The following C1orf210 variants were observed in gnomAD, a reference collection of about 807,000 sequenced individuals.
C1orf210 encodes chromosome 1 open reading frame 210.
A neutral mutation model predicts 3.7 loss-of-function variants in C1orf210; 3 were observed. That is an observed-to-expected ratio of 0.81 (90% CI 0.37 to 2.08). C1orf210 has a LOEUF of 2.08. Among genes scored for constraint, C1orf210 ranks in the 30% most tolerant of loss-of-function variants. C1orf210 has a pLI of 0.06. For synonymous variants in C1orf210, 62 were observed against 61.7 expected (o/e 1.00, Z -0.02); for missense variants, 143 against 147.7 (o/e 0.97, Z 0.17).
rs1305624130 is a variant in C1orf210 at position 43,283,276 on chromosome 1, G to C, written c.-6C>G. 2 of 1,613,864 alleles carry C rather than the reference G, an allele frequency of 1.2e-6. No individual in the cohort carries two copies. Among genetic ancestry groups the C allele is most frequent in the African/African-American group, 2.7e-5 (2 of 74,892 alleles). ...CTTTTGTTTGTCTCATTCATGGAGG[G>C]GCCTGATGACACCAGTGAGTCTCAG... On this transcript the variant is annotated 5_prime_UTR_variant, in exon 2 of 3. Coordinates refer to ENST00000523677, the MANE Select transcript of C1orf210 (RefSeq NM_182517.3).
At position 43,283,995 on chromosome 1, in the gene C1orf210, T is replaced by C. The variant is rs560580500; in HGVS notation, c.-98-627A>G. Among the ~76,000 whole-genome samples the C allele has an allele frequency of 2.8e-4, 43 of 152,272 alleles. 2 individuals are homozygous for C. The highest frequency in any genetic ancestry group is 1.0e-3 in the African/African-American group (42 of 41,550). On this transcript the variant is annotated intron_variant, in intron 1 of 2. Coordinates refer to ENST00000523677, the MANE Select transcript of C1orf210 (RefSeq NM_182517.3). ...ACCCTCAGCCCTTCAAGCAAACCCC[T>C]GTCCTTTCACCTCTACTCAAAGGAG...
rs770163944 is a variant in C1orf210 at position 43,282,814 on chromosome 1, C to T, written c.313G>A (p.Glu105Lys). Residue 105 changes from glutamate to lysine, a missense_variant, in exon 3 of 3, where the codon GAG becomes AAG. Physicochemically the swap from Glu to Lys is moderately conservative, Grantham distance 56 (BLOSUM62 1). Coordinates refer to ENST00000523677, the MANE Select transcript of C1orf210 (RefSeq NM_182517.3). ...AGGGAGAAGTGGTCCCTGCTACCCT[C>T]TGTCCCCAGCTCGCCAGTCCCAGGC... ...IQPGTGELGTEGSRDHFSL is the reference protein window; with the variant it reads ...IQPGTGELGTKGSRDHFSL 1 of 1,608,804 alleles carries T rather than the reference C, an allele frequency of 6.2e-7. No homozygotes were observed. Among genetic ancestry groups the T allele is most frequent in the Non-Finnish European group, 8.5e-7 (1 of 1,176,896 alleles).
chr1:43,282,071 C>T lies in C1orf210; in HGVS notation c.*714G>A, dbSNP rs1646550064. On this transcript the variant is annotated 3_prime_UTR_variant, in exon 3 of 3. Transcript: ENST00000523677. ...CCTGAGGTCAAGAGTTCGAGACCAT[C>T]CTGGCCAATATGGCGAAACCTCGTC... 6.6e-6 allele frequency: 1 copy of T among 152,160 alleles called. No homozygotes were observed. Among genetic ancestry groups the T allele is most frequent in the African/African-American group, 2.4e-5 (1 of 41,426 alleles). 9.4% of individuals were successfully genotyped at this position (152,160 alleles called of 1,614,324 possible).
chr1:43,281,925 A>C lies in C1orf210; in HGVS notation c.*860T>G, dbSNP rs1646549014. ...AATAGATTTATTAATTCCTGTGAAA[A>C]ACATATTATAACCGGATTACCCACT... On this transcript the variant is annotated 3_prime_UTR_variant, in exon 3 of 3. Transcript: ENST00000523677. 6.6e-6 allele frequency: 1 copy of C among 152,178 alleles called. No individual in the cohort carries two copies. Among genetic ancestry groups the C allele is most frequent in the Non-Finnish European group, 1.5e-5 (1 of 68,040 alleles). 9.4% of individuals were successfully genotyped at this position (152,178 alleles called of 1,614,324 possible). A position where few individuals can be genotyped will look rare whatever the true frequency, so the allele number is the denominator to read the frequency against.
intron 1 of C1orf210, 125 bp downstream of exon 1, chr1:43,285,319 T>G (rs763207386): frequency 6.6e-6 from 1 of 152,056 alleles, no homozygotes; most frequent in Non-Finnish European, 1.5e-5. Flanking sequence ...GCATATACAC[T>G]CCCCAACAGG....
chr1:43,283,591 G>C (rs1344464906), intron 1 of C1orf210, among the ~76,000 whole-genome samples: 1 of 152,112 alleles, frequency 6.6e-6, no homozygotes, highest in African/African-American at 2.4e-5. Context: ...ATAAATTGTA[G>C]AACTTACTGA....
Position 43,282,682 on chromosome 1 carries a change from G to T in C1orf210, c.*103C>A. 8.1e-7 allele frequency: 1 copy of T among 1,234,544 alleles called. No homozygotes were observed. Among genetic ancestry groups the T allele is most frequent in the Non-Finnish European group, 1.1e-6 (1 of 882,848 alleles). 76.5% of individuals were successfully genotyped at this position (1,234,544 alleles called of 1,614,324 possible). A position where few individuals can be genotyped will look rare whatever the true frequency, so the allele number is the denominator to read the frequency against. ...TACTCCATCCCTGGCCAACCTTTAA[G>T]CCCCAGCCACCTCTGTCCCTGAGGT... On this transcript the variant is annotated 3_prime_UTR_variant, in exon 3 of 3. Coordinates refer to ENST00000523677, the MANE Select transcript of C1orf210 (RefSeq NM_182517.3).
At chr1:43,284,623 A>G (rs1646568586) in intron 1 of C1orf210, among the ~76,000 whole-genome samples, 1 of 152,008 alleles carries the variant, frequency 6.6e-6, no homozygotes, top group Admixed American at 6.6e-5. Context: ...TGGGCCTACA[A>G]CCCAAATCTG....
rs761773667 is a variant in C1orf210, at chr1:43,283,028, C to G, written c.99G>C (p.Val33=). 1 of 1,614,120 alleles carries G rather than the reference C, an allele frequency of 6.2e-7. No individual in the cohort carries two copies. Among genetic ancestry groups the G allele is most frequent in the Non-Finnish European group, 8.5e-7 (1 of 1,179,974 alleles). ...GPGTGARAWP[V]LVGFVLGAVV... is the part of the protein sequence containing the mutation. ...CAGCCCCCAGCACAAATCCTACCAG[C>G]ACAGGCCATGCCCGAGCCCCAGTGC... Residue 33 remains valine (V), a synonymous_variant, in exon 3 of 3, where the codon GTG becomes GTC. Transcript: ENST00000523677.
At chr1:43,283,486 GCT>G (rs1646560404) in intron 1 of C1orf210, 118 bp from the exon 2 acceptor site, 1 of 529,994 alleles carries the variant, frequency 1.9e-6, no homozygotes, top group South Asian at 3.9e-5. Context: ...GACCACACCA[GCT>G]CTCCACAGAA....
In C1orf210 at chr1:43,283,086, A is replaced by T. The variant is rs115885647; in HGVS notation, c.41T>A (p.Leu14His). 2,413 of 1,613,426 alleles carry T rather than the reference A, an allele frequency of 1.5e-3. 33 individuals carry two copies. The African/African-American group carries it at 0.03, about 20-fold the overall frequency. The change falls in exon 3 of 3, where the codon CTC (leucine) becomes CAC (histidine). Residue 14 changes from leucine to histidine, a missense_variant. By Grantham distance (99) the Leu-to-His change is moderately conservative. Coordinates refer to ENST00000523677, the MANE Select transcript of C1orf210 (RefSeq NM_182517.3). ...TNKTLVGPSE[L>H]PTASAVAPGP... ...AGGGGCCACAGCAGACGCTGTGGGGAGCTCCGAAGGCCCAACAAGTGCTGC... is the reference window on the plus strand; with the variant it reads ...AGGGGCCACAGCAGACGCTGTGGGGTGCTCCGAAGGCCCAACAAGTGCTGC...
rs771109374 is a variant in C1orf210 at position 43,282,923 on chromosome 1, T to C, written c.204A>G (p.Pro68=). ...RRYHASYRHR[P]LPETGRGGRP... ...GGCCTCCCCTTCCTGTCTCAGGCAG[T>C]GGGCGGTGCCGGTAGCTGGCATGGT... The change falls in exon 3 of 3, where the codon CCA becomes CCG. Residue 68 remains proline (P), a synonymous_variant. Coordinates refer to ENST00000523677, the MANE Select transcript of C1orf210 (RefSeq NM_182517.3). The C allele has an allele frequency of 6.2e-6, 10 of 1,614,126 alleles. 1 individual carries two copies. The East Asian group carries it at 1.8e-4, about 29-fold the overall frequency.
Position 43,285,438 on chromosome 1 carries a change from A to G in C1orf210, c.-99+6T>C, listed in dbSNP as rs898921976. 6.6e-6 allele frequency: 1 copy of G among 152,076 alleles called. No individual in the cohort carries two copies. The highest frequency in any genetic ancestry group is 2.4e-5 in the African/African-American group (1 of 41,266). 9.4% of individuals were successfully genotyped at this position (152,076 alleles called of 1,614,324 possible). A position where few individuals can be genotyped will look rare whatever the true frequency, so the allele number is the denominator to read the frequency against. On this transcript the variant is annotated splice_donor_region_variant and intron_variant, in intron 1 of 2. Coordinates refer to ENST00000523677, the MANE Select transcript of C1orf210 (RefSeq NM_182517.3). ...AAACACCCCTCTGACATGCACAGAC[A>G]CCTACCCCAACTCTGATGTGTAGCT...
rs1646553080 is a variant in C1orf210, at chr1:43,282,550, C to G, written c.*235G>C. On this transcript the variant is annotated 3_prime_UTR_variant, in exon 3 of 3. Transcript: ENST00000523677. ...TCACAGAGGGCCTTATGTCCACACTCAAGCCTTTGTTTGGCTTTATCCTGA... is the reference window on the plus strand; with the variant it reads ...TCACAGAGGGCCTTATGTCCACACTGAAGCCTTTGTTTGGCTTTATCCTGA... 1 of 517,514 alleles carries G rather than the reference C, an allele frequency of 1.9e-6. No individual in the cohort carries two copies. The highest frequency in any genetic ancestry group is 3.4e-6 in the Non-Finnish European group (1 of 294,412). 32.1% of individuals were successfully genotyped at this position (517,514 alleles called of 1,614,324 possible). A position where few individuals can be genotyped will look rare whatever the true frequency, so the allele number is the denominator to read the frequency against.
rs549888735 is a variant in C1orf210 at position 43,281,958 on chromosome 1, T to C, written c.*827A>G. 2.0e-5 allele frequency: 3 copies of C among 152,146 alleles called. No homozygotes were observed. Among genetic ancestry groups the C allele is most frequent in the African/African-American group, 7.2e-5 (3 of 41,546 alleles). The allele number at this position is 152,146 out of a possible 1,614,324, so 9.4% of individuals were successfully genotyped here. On this transcript the variant is annotated 3_prime_UTR_variant, in exon 3 of 3. Coordinates refer to ENST00000523677, the MANE Select transcript of C1orf210 (RefSeq NM_182517.3). Reference sequence around the variant, plus strand: ...ATAACCGGATTACCCACTTTATTTATAGGAAAATATTTCATTAAGAAGCTG... The same window carrying C: ...ATAACCGGATTACCCACTTTATTTACAGGAAAATATTTCATTAAGAAGCTG...
chr1:43,285,788 C>T (rs1000224638), upstream of C1orf210, among the ~76,000 whole-genome samples: 1 of 152,242 alleles, frequency 6.6e-6, no homozygotes, highest in South Asian at 2.1e-4. Flanking sequence ...CCCTCACCCC[C>T]CAATGCTTGC....
In C1orf210 at chr1:43,283,127, A is replaced by G. The variant is rs1437720069; in HGVS notation, c.20-20T>C. 1.2e-6 allele frequency: 2 copies of G among 1,606,836 alleles called. No homozygotes were observed. Among genetic ancestry groups the G allele is most frequent in the South Asian group, 2.2e-5 (2 of 90,564 alleles). ...CAAGTGCTGCAGAGAAAGGGACAGC[A>G]TTATAGGTGGGCCCCAGAGGGGGCT... On this transcript the variant is annotated intron_variant, in intron 2 of 2. Transcript: ENST00000523677.
chr1:43,283,481 CA>C, intron 1 of C1orf210, 113 bp from the exon 2 acceptor site: 2 of 543,800 alleles, frequency 3.7e-6, no homozygotes, highest in East Asian at 3.0e-5. Context: ...CAACTGACCA[CA>C]CCAGCTCTCC....
chr1:43,283,497 A>G (rs1646560414), intron 1 of C1orf210, 129 bp from the exon 2 acceptor site: 2 of 481,820 alleles, frequency 4.2e-6, no homozygotes, highest in African/African-American at 1.9e-5. Context: ...CTCTCCACAG[A>G]AGAGAAACAA....
Sources: gnomAD v4.1 joint callset for allele counts (sites outside exome capture counted in the v4.1 genomes callset) on GRCh38, gnomAD v4.1.1 for gene constraint, MANE v1.5 for transcripts, NCBI Gene and HGNC (gene_info 2026-07-23, HGNC 2026-07-21) for gene names.